The following SCARA3 variants were observed in gnomAD, a reference collection of about 807,000 sequenced individuals.
SCARA3 encodes scavenger receptor class A member 3.
Under a neutral mutation model 47.0 loss-of-function variants are expected in SCARA3, and 39 were observed. That is an observed-to-expected ratio of 0.83 (90% CI 0.64 to 1.08). SCARA3 has a LOEUF of 1.08. Among genes scored for constraint, SCARA3 ranks in the 50% least tolerant of loss-of-function variants. The pLI is 0.00. For missense variants in SCARA3, 724 were observed against 792.3 expected, an observed-to-expected ratio of 0.91 and a Z score of 1.04; for synonymous variants, 356 against 334.1, an observed-to-expected ratio of 1.07 and a Z score of -0.71.
At chr8:27,643,942 C>T (rs989080995) in intron 1 of SCARA3, among the ~76,000 whole-genome samples, 4 of 152,104 alleles carry the variant, frequency 2.6e-5, no homozygotes, top group African/African-American at 4.8e-5. Context: ...TTAACAGGTC[C>T]GGGCTATTTT....
the SCARA3 span, among the ~76,000 whole-genome samples, chr8:27,708,156 C>T: frequency 2.0e-5 from 3 of 152,030 alleles, no homozygotes; most frequent in Non-Finnish European, 2.9e-5. Context: ...AAGGAATAGC[C>T]GTCCAAACTG....
At chr8:27,674,535 G>C (rs550052197), downstream of SCARA3, among the ~76,000 whole-genome samples, 75 of 152,086 alleles carry the variant, frequency 4.9e-4, no homozygotes, top group African/African-American at 1.7e-3. Flanking sequence ...TCCTTCTCCT[G>C]CCCTGCTCGG....
chr8:27,641,495 C>A (rs1480053729), intron 1 of SCARA3, among the ~76,000 whole-genome samples: 1 of 152,158 alleles, frequency 6.6e-6, no homozygotes, highest in African/African-American at 2.4e-5. Flanking sequence ...AATGCATGCC[C>A]CCCTCTGACA....
At chr8:27,676,180 T>C (rs954868397), downstream of SCARA3, among the ~76,000 whole-genome samples, 3 of 152,128 alleles carry the variant, frequency 2.0e-5, no homozygotes, top group African/African-American at 7.2e-5. Flanking sequence ...TACAGAAAGG[T>C]GGCATTGGAA....
chr8:27,694,168 A>G, the SCARA3 span, among the ~76,000 whole-genome samples: 12 of 152,210 alleles, frequency 7.9e-5, no homozygotes, highest in Non-Finnish European at 1.6e-4. Flanking sequence ...CCTTTGCCTC[A>G]TTAAGCCTCT....
At position 27,672,282 on chromosome 8, in the gene SCARA3, G is replaced by A. The variant is rs1802184290; in HGVS notation, c.*931G>A. Reference sequence around the variant, plus strand: ...TGCCTCTGCCCTTCAGGAGCAGCCTGGAAGGAATCCAAGCAGGAGTTTCAT... The same window carrying A: ...TGCCTCTGCCCTTCAGGAGCAGCCTAGAAGGAATCCAAGCAGGAGTTTCAT... On this transcript the variant is annotated 3_prime_UTR_variant, in exon 6 of 6. Transcript: ENST00000301904. 2 of 985,394 alleles carry A rather than the reference G, an allele frequency of 2.0e-6. No homozygotes were observed. The highest frequency in any genetic ancestry group is 4.7e-5 in the South Asian group (1 of 21,294). The allele number at this position is 985,394 out of a possible 1,614,324, so 61.0% of individuals were successfully genotyped here. A position where few individuals can be genotyped will look rare whatever the true frequency, so the allele number is the denominator to read the frequency against.
the SCARA3 span, among the ~76,000 whole-genome samples, chr8:27,716,490 A>C: frequency 1.3e-5 from 2 of 152,206 alleles, no homozygotes; most frequent in Admixed American, 6.5e-5. Flanking sequence ...AGTTAGCTTC[A>C]AGGGGCTCCT....
chr8:27,670,814 G>A (rs914507444), intron 5 of SCARA3, 86 bp from the exon 6 acceptor site: 2 of 1,139,490 alleles, frequency 1.8e-6, no homozygotes, highest in East Asian at 2.6e-5. Context: ...CCCTCGGGCT[G>A]TCGCCGTGCC....
chr8:27,668,488 C>T (rs1406739031), intron 5 of SCARA3, among the ~76,000 whole-genome samples: 2 of 146,960 alleles, frequency 1.4e-5, no homozygotes, highest in African/African-American at 5.0e-5. Flanking sequence ...TGCAGTGAGC[C>T]GAGATTGCGC....
At chr8:27,710,625 T>C in the SCARA3 span, among the ~76,000 whole-genome samples, 2 of 152,304 alleles carry the variant, frequency 1.3e-5, no homozygotes, top group South Asian at 4.1e-4. Context: ...AAATCCATAA[T>C]ATCATCAAAT....
chr8:27,642,255 G>A (rs919118644), intron 1 of SCARA3, among the ~76,000 whole-genome samples: 7 of 152,182 alleles, frequency 4.6e-5, no homozygotes, highest in African/African-American at 1.7e-4. Context: ...AGTGATGGGG[G>A]TTGGGAGATG....
intron 2 of SCARA3, among the ~76,000 whole-genome samples, chr8:27,650,383 A>G (rs181325557): frequency 7.2e-4 from 110 of 151,930 alleles, no homozygotes; most frequent in Non-Finnish European, 1.4e-3. Flanking sequence ...AGAGCTACAT[A>G]CCCTGTCCCT....
At chr8:27,636,545 C>G (rs1440655460) in intron 1 of SCARA3, among the ~76,000 whole-genome samples, 1 of 152,126 alleles carries the variant, frequency 6.6e-6, no homozygotes, top group African/African-American at 2.4e-5. Flanking sequence ...TGAGGAGGAC[C>G]CGCTGACACC....
chr8:27,674,506 T>C (rs1046113294), downstream of SCARA3, among the ~76,000 whole-genome samples: 2 of 152,172 alleles, frequency 1.3e-5, no homozygotes, highest in African/African-American at 4.8e-5. Context: ...TCCTCTGTCC[T>C]GCAATTCTAA....
chr8:27,721,371 G>T, the SCARA3 span, among the ~76,000 whole-genome samples: 1 of 152,124 alleles, frequency 6.6e-6, no homozygotes, highest in Admixed American at 6.6e-5. Context: ...TGGGGACAGA[G>T]AAGTAACAAA....
downstream of SCARA3, among the ~76,000 whole-genome samples, chr8:27,678,072 T>C (rs1488185858): frequency 6.6e-6 from 1 of 152,170 alleles, no homozygotes; most frequent in Non-Finnish European, 1.5e-5. Context: ...ATTATAACAT[T>C]AAACATTTGT....
chr8:27,671,738 A>AC lies in SCARA3; in HGVS notation c.*388dup. The AC allele has an allele frequency of 9.7e-7, 1 of 1,027,576 alleles. No homozygotes were observed. Among genetic ancestry groups the AC allele is most frequent in the Non-Finnish European group, 1.2e-6 (1 of 857,676 alleles). The allele number at this position is 1,027,576 out of a possible 1,614,324, so 63.7% of individuals were successfully genotyped here. On this transcript the variant is annotated 3_prime_UTR_variant, in exon 6 of 6. Coordinates refer to ENST00000301904, the MANE Select transcript of SCARA3 (RefSeq NM_016240.3). ...CACATACACATGCACACACACATGC[A>AC]CACATATATGCACAGGCACACACAT... is the stretch of plus-strand genomic sequence containing the variant.
chr8:27,679,216 C>CTTACTTACTAAG (rs762884579), downstream of SCARA3, among the ~76,000 whole-genome samples: 2 of 151,322 alleles, frequency 1.3e-5, no homozygotes, highest in Admixed American at 6.6e-5. Flanking sequence ...TACTTACTTA[C>CTTACTTACTAAG]TAAGTAAGTA....
chr8:27,722,578 C>T, the SCARA3 span, among the ~76,000 whole-genome samples: 2 of 152,200 alleles, frequency 1.3e-5, no homozygotes, highest in Non-Finnish European at 2.9e-5. Context: ...GTGCTCTGCC[C>T]CTGGCCATTG....
Sources: allele counts gnomAD v4.1 joint callset (sites outside exome capture counted in the v4.1 genomes callset), GRCh38; gene constraint gnomAD v4.1.1; transcripts MANE v1.5; gene names NCBI Gene and HGNC (gene_info 2026-07-23, HGNC 2026-07-21).